Variants in NUMB observed in about 807,000 individuals in gnomAD.
NUMB encodes protein numb homolog.
NUMB carries 29 observed loss-of-function variants against 59.7 expected under a neutral mutation model. The ratio of observed to expected loss-of-function variants is 0.49; its 90% CI spans 0.36 to 0.66. The LOEUF (loss-of-function observed/expected upper bound fraction) is 0.66. Ranked by LOEUF, NUMB falls within the 30% of genes least tolerant of loss-of-function variation. NUMB has a pLI of 0.00. For missense variants in NUMB, 723 were observed against 822.0 expected (o/e 0.88, Z 1.47); for synonymous variants, 288 against 288.2 (o/e 1.00, Z 0.01).
rs545864350 is a variant in NUMB at position 73,410,273 on chromosome 14, A to T, written c.-232-205T>A. ...AACAATTTTAAAAACTGAGGTGGAT[A>T]ATATGGGTTCAAGTTCCAGCCTTAC... On this transcript the variant is annotated intron_variant, in intron 1 of 12. Transcript: ENST00000555238. Among the ~76,000 whole-genome samples the T allele has an allele frequency of 1.8e-4, 28 of 152,352 alleles. 1 individual carries two copies. In the South Asian group the frequency reaches 5.8e-3, roughly 32 times the overall value.
At chr14:73,345,065 T>C (rs1047851425) in intron 4 of NUMB, among the ~76,000 whole-genome samples, 3 of 152,188 alleles carry the variant, frequency 2.0e-5, no homozygotes, top group Non-Finnish European at 4.4e-5. Context: ...ATCACAGCAC[T>C]ATTCACAATA....
At chr14:73,364,231 T>G (rs1894227333) in intron 3 of NUMB, among the ~76,000 whole-genome samples, 1 of 152,182 alleles carries the variant, frequency 6.6e-6, no homozygotes. Flanking sequence ...CCAGGCATGG[T>G]GGCTCAAGCC....
intron 8 of NUMB, among the ~76,000 whole-genome samples, chr14:73,288,546 C>T (rs910235220): frequency 6.0e-5 from 9 of 150,442 alleles, no homozygotes; most frequent in Non-Finnish European, 1.0e-4. Flanking sequence ...AGCAAAACTC[C>T]GTCTCAAAAA....
chr14:73,277,109 G>C lies in NUMB; in HGVS notation c.1425C>G (p.Ile475Met). 6.2e-7 allele frequency: 1 copy of C among 1,614,126 alleles called. No homozygotes were observed. Among genetic ancestry groups the C allele is most frequent in the Non-Finnish European group, 8.5e-7 (1 of 1,180,032 alleles). The change falls in exon 13 of 13, where the codon ATC (isoleucine) becomes ATG (methionine). Residue 475 changes from isoleucine (I) to methionine (M), a missense_variant. By Grantham distance (10) the Ile-to-Met change is conservative (BLOSUM62 1). Transcript: ENST00000555238. ...PVLQPPPPTAISQPASPFQGN... is the reference protein window; with the variant it reads ...PVLQPPPPTAMSQPASPFQGN... Reference sequence around the variant, plus strand: ...CTTGGAAAGGTGATGCTGGCTGGGAGATGGCAGTGGGTGGAGGAGGCTGGA... The same window carrying C: ...CTTGGAAAGGTGATGCTGGCTGGGACATGGCAGTGGGTGGAGGAGGCTGGA...
intron 9 of NUMB, 81 bp downstream of exon 9, chr14:73,287,029 A>G (rs776323002): frequency 7.4e-7 from 1 of 1,349,136 alleles, no homozygotes; most frequent in East Asian, 2.3e-5. Context: ...TTATGAGAAA[A>G]TTTACCCCTG....
Position 73,432,487 on chromosome 14 carries a change from T to C in NUMB, c.-232-22419A>G, listed in dbSNP as rs151032173. Among the ~76,000 whole-genome samples the C allele has an allele frequency of 4.2e-3, 641 of 152,220 alleles. 5 individuals carry two copies. The highest frequency in any genetic ancestry group is 5.7e-3 in the Non-Finnish European group (386 of 68,024). On this transcript the variant is annotated intron_variant, in intron 1 of 12. Coordinates refer to ENST00000555238, the MANE Select transcript of NUMB (RefSeq NM_001005743.2). ...AAAATAACGTACTCATTATTCACTA[T>C]AATTTTTAGAATATTTCAGCATTAA...
At chr14:73,446,146 C>G (rs7153138) in intron 1 of NUMB, among the ~76,000 whole-genome samples, 8,781 of 151,618 alleles carry the variant, frequency 0.058, 705 homozygotes, top group African/African-American at 0.19. Flanking sequence ...ATAAGCACTC[C>G]CCACCACACC....
rs1243860039 is a variant in NUMB, at chr14:73,398,423, T to A, written c.-101+11514A>T. 4.7e-3 allele frequency among the ~76,000 whole-genome samples: 442 copies of A among 94,246 alleles called. 2 individuals are homozygous for A. The highest frequency in any genetic ancestry group is 0.018 in the African/African-American group (400 of 22,288). 61.8% of individuals were successfully genotyped at this position (94,246 alleles called of 152,430 possible). ...GAGAGAGAGAGAGAGAGAGTGTGTGTGTGTGTGTGTGTGTGTGTGTGTGTG... is the reference window on the plus strand; with the variant it reads ...GAGAGAGAGAGAGAGAGAGTGTGTGAGTGTGTGTGTGTGTGTGTGTGTGTG... On this transcript the variant is annotated intron_variant, in intron 2 of 12. Coordinates refer to ENST00000555238, the MANE Select transcript of NUMB (RefSeq NM_001005743.2).
chr14:73,363,376 G>C (rs1894181228), intron 3 of NUMB, among the ~76,000 whole-genome samples: 1 of 151,730 alleles, frequency 6.6e-6, no homozygotes, highest in African/African-American at 2.4e-5. Flanking sequence ...GACCTAACTA[G>C]AAACACAATC....
rs1033155652 is a variant in NUMB, at chr14:73,370,661, C to T, written c.-100-3680G>A. Among the ~76,000 whole-genome samples, 18 of 151,376 alleles carry T rather than the reference C, an allele frequency of 1.2e-4. 1 individual carries two copies. Among genetic ancestry groups the T allele is most frequent in the African/African-American group, 1.9e-4 (8 of 41,102 alleles). On this transcript the variant is annotated intron_variant, in intron 2 of 12. Transcript: ENST00000555238. ...GAGCCGAGATTGTGCCACTGCACTCCGGCCTGGGTAACAAGAGTGAAACTC... is the reference window on the plus strand; with the variant it reads ...GAGCCGAGATTGTGCCACTGCACTCTGGCCTGGGTAACAAGAGTGAAACTC...
At chr14:73,299,623 A>ATATGATATGACATATCTATGTCATATC (rs1236571176) in intron 6 of NUMB, among the ~76,000 whole-genome samples, 1 of 151,142 alleles carries the variant, frequency 6.6e-6, no homozygotes, top group Admixed American at 6.6e-5. Flanking sequence ...TATGTCATAT[A>ATATGATATGACATATCTATGTCATATC]ATATGACATA....
intron 1 of NUMB, among the ~76,000 whole-genome samples, chr14:73,451,004 G>A (rs1003166273): frequency 1.3e-5 from 2 of 151,102 alleles, no homozygotes; most frequent in African/African-American, 4.9e-5. Context: ...ATACAAAAAA[G>A]TTAGCTGGGC....
At chr14:73,416,851 T>C (rs1897146065) in intron 1 of NUMB, among the ~76,000 whole-genome samples, 1 of 151,856 alleles carries the variant, frequency 6.6e-6, no homozygotes, top group South Asian at 2.1e-4. Flanking sequence ...AGGCCGGCCC[T>C]AAATGGGAAC....
intron 6 of NUMB, among the ~76,000 whole-genome samples, chr14:73,311,113 A>G (rs1024665910): frequency 2.0e-5 from 3 of 152,072 alleles, no homozygotes; most frequent in Non-Finnish European, 2.9e-5. Flanking sequence ...GTGCAGTGTC[A>G]TGATCTGGGC....
chr14:73,337,012 A>C (rs1438284461), intron 4 of NUMB, among the ~76,000 whole-genome samples: 2 of 152,082 alleles, frequency 1.3e-5, no homozygotes, highest in East Asian at 3.9e-4. Flanking sequence ...CAGGCAGATC[A>C]CATGAGGCCA....
intron 1 of NUMB, among the ~76,000 whole-genome samples, chr14:73,436,740 G>A (rs558585574): frequency 7.9e-5 from 12 of 151,996 alleles, no homozygotes; most frequent in African/African-American, 2.9e-4. Context: ...CAGCACTTTC[G>A]GAGGCTGAGG....
At chr14:73,286,210 T>C (rs1340353712) in intron 9 of NUMB, 24 of 100,076 alleles carry the variant, frequency 2.4e-4, no homozygotes, top group African/African-American at 1.2e-3. Context: ...TTTTTTTTTT[T>C]TTTTTTTTTT....
At chr14:73,398,364 A>G (rs755747001) in intron 2 of NUMB, among the ~76,000 whole-genome samples, 2 of 151,680 alleles carry the variant, frequency 1.3e-5, no homozygotes, top group African/African-American at 4.8e-5. Flanking sequence ...AATAAACTAC[A>G]TATTTGTATA....
At chr14:73,292,684 C>G in intron 8 of NUMB, 50 bp downstream of exon 8, 1 of 1,592,056 alleles carries the variant, frequency 6.3e-7, no homozygotes, top group Non-Finnish European at 8.6e-7. Context: ...CCAGAAAGAG[C>G]CCAGCTAACT....
Sources: allele counts gnomAD v4.1 joint callset (sites outside exome capture counted in the v4.1 genomes callset), GRCh38; gene constraint gnomAD v4.1.1; transcripts MANE v1.5; gene names NCBI Gene and HGNC (gene_info 2026-07-23, HGNC 2026-07-21).